MED13: variants seen among roughly 807,000 people sequenced by gnomAD.
MED13 encodes mediator complex subunit 13.
A neutral mutation model predicts 225.2 loss-of-function variants in MED13; 23 were observed. That is an observed-to-expected ratio of 0.10 (90% confidence interval 0.07 to 0.14). The LOEUF is 0.14. MED13 is among the 10% of genes least tolerant of loss of function. MED13 has a pLI of 1.00. For synonymous variants in MED13, 942 were observed against 889.2 expected (o/e 1.06, Z -1.06); for missense variants, 2,197 against 2,594.5 (o/e 0.85, Z 3.33).
intron 20 of MED13, among the ~76,000 whole-genome samples, 187 bp from the exon 21 acceptor site, chr17:61,963,158 G>A (rs1349419423): frequency 1.7e-5 from 2 of 115,314 alleles, no homozygotes; most frequent in Non-Finnish European, 3.3e-5. Context: ...CAATTTCACA[G>A]TGTATAAAGA....
rs199700127 is a variant in MED13, at chr17:61,965,426, G to C, written c.4424C>G (p.Ser1475Cys). The change falls in exon 20 of 30, where the codon TCC becomes TGC. Residue 1475 changes from serine to cysteine, a missense_variant. By Grantham distance (112) the Ser-to-Cys change is moderately radical. Transcript: ENST00000397786. ...ASLPLDSSLL[S>C]QPNLVAPTSQ... Reference sequence around the variant, plus strand: ...TGTAGGGGCAACTAAATTTGGCTGGGAAAGTAGAGAGCTGTCCAATGGCAG... The same window carrying C: ...TGTAGGGGCAACTAAATTTGGCTGGCAAAGTAGAGAGCTGTCCAATGGCAG... 3 of 1,614,044 alleles carry C rather than the reference G, an allele frequency of 1.9e-6. No homozygotes were observed. Among genetic ancestry groups the C allele is most frequent in the Non-Finnish European group, 2.5e-6 (3 of 1,180,034 alleles).
chr17:61,989,264 C>A (rs2080274577), intron 11 of MED13, among the ~76,000 whole-genome samples: 1 of 152,108 alleles, frequency 6.6e-6, no homozygotes, highest in South Asian at 2.1e-4. Context: ...CCTGCCTTGG[C>A]CTCCCAAAGT....
At chr17:62,053,342 G>A (rs1466341766) in intron 2 of MED13, among the ~76,000 whole-genome samples, 1 of 152,110 alleles carries the variant, frequency 6.6e-6, no homozygotes, top group Non-Finnish European at 1.5e-5. Context: ...AAAATTTAAA[G>A]ACTTAAATTG....
chr17:61,994,004 A>ATT (rs1290224109), intron 10 of MED13, among the ~76,000 whole-genome samples: 5 of 146,042 alleles, frequency 3.4e-5, no homozygotes, highest in African/African-American at 2.5e-5. Flanking sequence ...ACAGATTTCA[A>ATT]TTTTTTTTTT....
chr17:61,956,295 T>G (rs1211618573), intron 24 of MED13, 44 bp downstream of exon 24: 6 of 1,569,366 alleles, frequency 3.8e-6, no homozygotes, highest in Non-Finnish European at 5.2e-6. Context: ...TGTGTGAATT[T>G]ACATAAAACG....
In MED13 at chr17:61,956,315, A is replaced by G. The variant is rs765962742; in HGVS notation, c.5623+24T>C. 64 of 1,598,464 alleles carry G rather than the reference A, an allele frequency of 4.0e-5. No homozygotes were observed. In the East Asian group the frequency reaches 8.5e-4, roughly 21 times the overall value. On this transcript the variant is annotated intron_variant, in intron 24 of 29. Transcript: ENST00000397786. ...GAATTTACATAAAACGGAAATATAA[A>G]TACTAATAAAAGCACAATTTTACCT... is the stretch of plus-strand genomic sequence containing the variant.
chr17:62,012,004 G>A (rs2080514061), intron 8 of MED13, among the ~76,000 whole-genome samples: 1 of 152,072 alleles, frequency 6.6e-6, no homozygotes, highest in African/African-American at 2.4e-5. Context: ...ATCACCTGAG[G>A]TGAGGAGTTC....
chr17:62,048,019 T>TATATACATATAC (rs983326428), intron 3 of MED13, among the ~76,000 whole-genome samples: 446 of 135,208 alleles, frequency 3.3e-3, no homozygotes, highest in Middle Eastern at 7.3e-3. Flanking sequence ...TATATATACA[T>TATATACATATAC]ATATACATAT....
intron 15 of MED13, 77 bp from the exon 16 acceptor site, chr17:61,983,191 C>T (rs2080219915): frequency 5.1e-6 from 6 of 1,180,494 alleles, no homozygotes; most frequent in East Asian, 2.7e-5. Flanking sequence ...CAACTAAAAA[C>T]GTCCCAAATG....
Position 61,993,826 on chromosome 17 carries a change from G to A in MED13, c.2182-1205C>T, listed in dbSNP as rs368762300. Among the ~76,000 whole-genome samples, 4 of 151,818 alleles carry A rather than the reference G, an allele frequency of 2.6e-5. No homozygotes were observed. In the South Asian group the frequency reaches 8.3e-4, roughly 32 times the overall value. On this transcript the variant is annotated intron_variant, in intron 10 of 29. Transcript: ENST00000397786. ...CATGCCTGTAATCTCAGCTACTAGG[G>A]AGGCTGAGGCAGGAGAATCACTTGA...
intron 10 of MED13, among the ~76,000 whole-genome samples, chr17:61,994,061 T>C (rs775529503): frequency 1.3e-5 from 2 of 152,060 alleles, no homozygotes. Flanking sequence ...TTCACTGGCA[T>C]GATCTCAGCT....
At chr17:62,000,479 G>A (rs551681129) in intron 9 of MED13, among the ~76,000 whole-genome samples, 2 of 152,272 alleles carry the variant, frequency 1.3e-5, no homozygotes, top group South Asian at 4.1e-4. Flanking sequence ...CATAGCTAAA[G>A]TCATGTAGTA....
intron 27 of MED13, 26 bp from the exon 28 acceptor site, chr17:61,951,024 A>G: frequency 2.5e-6 from 4 of 1,586,632 alleles, no homozygotes; most frequent in East Asian, 2.3e-5. Flanking sequence ...TTAAAAGTAT[A>G]TTAGTTCACT....
At chr17:62,008,960 G>A (rs1189561024) in intron 9 of MED13, among the ~76,000 whole-genome samples, 1 of 152,082 alleles carries the variant, frequency 6.6e-6, no homozygotes, top group Non-Finnish European at 1.5e-5. Flanking sequence ...TAATGAAAAT[G>A]TGACATTTTA....
At chr17:61,973,912 G>A (rs1011273277) in intron 16 of MED13, among the ~76,000 whole-genome samples, 2 of 152,054 alleles carry the variant, frequency 1.3e-5, no homozygotes, top group African/African-American at 4.8e-5. Context: ...AAACCCAGAA[G>A]GCAGGGGTTG....
chr17:61,966,803 G>A, intron 18 of MED13, 152 bp from the exon 19 acceptor site: 1 of 479,688 alleles, frequency 2.1e-6, no homozygotes, highest in Admixed American at 4.0e-5. Flanking sequence ...TTTAGAAGTA[G>A]GCCAAAAAAA....
intron 3 of MED13, among the ~76,000 whole-genome samples, chr17:62,050,350 C>A: frequency 6.8e-6 from 1 of 147,234 alleles, no homozygotes; most frequent in Admixed American, 6.8e-5. Context: ...AAGAGTGAAA[C>A]TCCGTATCAG....
intron 3 of MED13, among the ~76,000 whole-genome samples, chr17:62,036,242 G>A (rs1288856272): frequency 6.6e-6 from 1 of 151,740 alleles, no homozygotes; most frequent in East Asian, 1.9e-4. Context: ...TAATTAATTG[G>A]ACTAATCATT....
Position 61,987,147 on chromosome 17 carries a change from AAAAT to A in MED13, c.2264-23_2264-20del. 6.4e-7 allele frequency: 1 copy of A among 1,574,366 alleles called. No homozygotes were observed. The highest frequency in any genetic ancestry group is 8.6e-7 in the Non-Finnish European group (1 of 1,162,458). On this transcript the variant is annotated intron_variant, in intron 11 of 29. Transcript: ENST00000397786. The stretch of plus-strand genomic sequence containing the variant: ...GGAGCATCTACAAAAGTCAATCAGA[AAAAT>A]AAAATTAAAACTGCTACTACTATGC...
Sources: gnomAD v4.1 joint callset for allele counts (sites outside exome capture counted in the v4.1 genomes callset) on GRCh38, gnomAD v4.1.1 for gene constraint, MANE v1.5 for transcripts, NCBI Gene and HGNC (gene_info 2026-07-23, HGNC 2026-07-21) for gene names.